Variants in TCF4 observed in about 807,000 individuals in gnomAD.
TCF4 encodes the protein SL3-3 enhancer factor 2.
Under a neutral mutation model 82.1 loss-of-function variants are expected in TCF4, and 3 were observed. The ratio of observed to expected loss-of-function variants is 0.04; its 90% CI spans 0.02 to 0.09. TCF4 has a LOEUF of 0.09. Among genes scored for constraint, TCF4 ranks in the 10% least tolerant of loss-of-function variants. The pLI is 1.00. For synonymous variants in TCF4, 276 were observed against 309.6 expected (o/e 0.89, Z 1.14); for missense variants, 518 against 852.7 (o/e 0.61, Z 4.89).
At chr18:55,370,300 G>A (rs1045140664) in intron 6 of TCF4, among the ~76,000 whole-genome samples, 1 of 152,140 alleles carries the variant, frequency 6.6e-6, no homozygotes, top group Non-Finnish European at 1.5e-5. Context: ...CAGCTACTTA[G>A]GAGGCTGAGG....
chr18:55,300,101 C>G (rs554802444), intron 8 of TCF4, among the ~76,000 whole-genome samples: 1 of 133,708 alleles, frequency 7.5e-6, no homozygotes, highest in Non-Finnish European at 1.6e-5. Flanking sequence ...TACAGATATA[C>G]ACACACACAC....
upstream of TCF4, chr18:55,589,583 A>G (rs2097679671): frequency 9.6e-7 from 1 of 1,043,402 alleles, no homozygotes; most frequent in Admixed American, 5.6e-5. Context: ...AAAAAAAATG[A>G]ACACAGGATA....
intron 15 of TCF4, among the ~76,000 whole-genome samples, chr18:55,235,098 A>T (rs2048992343): frequency 6.6e-6 from 1 of 152,058 alleles, no homozygotes; most frequent in Admixed American, 6.5e-5. Context: ...TCAATTTGGC[A>T]TTCGACTTTC....
chr18:55,611,895 A>G (rs999023369), intron 2 of TCF4, among the ~76,000 whole-genome samples: 5 of 152,172 alleles, frequency 3.3e-5, no homozygotes, highest in East Asian at 3.9e-4. Flanking sequence ...CAGCCTCCCA[A>G]GTAGCTGGGA....
At chr18:55,273,954 G>C (rs980889331) in intron 10 of TCF4, among the ~76,000 whole-genome samples, 2 of 152,074 alleles carry the variant, frequency 1.3e-5, no homozygotes, top group African/African-American at 4.8e-5. Context: ...CAAAACTCTT[G>C]AGCATGATAG....
At chr18:55,454,551 A>C (rs1344997969) in intron 5 of TCF4, among the ~76,000 whole-genome samples, 2 of 152,156 alleles carry the variant, frequency 1.3e-5, no homozygotes, top group Non-Finnish European at 2.9e-5. Flanking sequence ...TTTATCCCCA[A>C]CCAATCCAAT....
At chr18:55,357,913 G>A (rs921202392) in intron 6 of TCF4, among the ~76,000 whole-genome samples, 30 of 152,268 alleles carry the variant, frequency 2.0e-4, no homozygotes, top group African/African-American at 6.3e-4. Context: ...CATGATGGGC[G>A]GAAATTGAGA....
chr18:55,536,005 GAGA>G (rs2097111310), intron 3 of TCF4, among the ~76,000 whole-genome samples: 1 of 152,130 alleles, frequency 6.6e-6, no homozygotes, highest in Admixed American at 6.6e-5. Context: ...TTCTCAATCT[GAGA>G]TATATTTTAC....
At chr18:55,555,034 CATACTT>C (rs1420263641) in intron 3 of TCF4, among the ~76,000 whole-genome samples, 1 of 152,104 alleles carries the variant, frequency 6.6e-6, no homozygotes, top group African/African-American at 2.4e-5. Flanking sequence ...GACCCATACT[CATACTT>C]AGATTATGTT....
At chr18:55,522,509 C>G (rs968110596) in intron 3 of TCF4, among the ~76,000 whole-genome samples, 2 of 152,054 alleles carry the variant, frequency 1.3e-5, no homozygotes, top group East Asian at 3.8e-4. Flanking sequence ...GGTGTCAACA[C>G]AAAAGATTTG....
At chr18:55,500,952 A>C (rs2096692086) in intron 3 of TCF4, among the ~76,000 whole-genome samples, 3 of 152,214 alleles carry the variant, frequency 2.0e-5, no homozygotes, top group Admixed American at 2.0e-4. Context: ...AAGAAACAGA[A>C]AAATTCTGAC....
At chr18:55,331,936 C>T (rs952624255) in intron 8 of TCF4, 1 of 152,118 alleles carries the variant, frequency 6.6e-6, no homozygotes, top group African/African-American at 2.4e-5. Context: ...TCTTGTATAG[C>T]GTGGCTACTC....
intron 5 of TCF4, among the ~76,000 whole-genome samples, chr18:55,417,506 CAT>C (rs1569439144): frequency 1.3e-5 from 2 of 152,182 alleles, no homozygotes; most frequent in Non-Finnish European, 2.9e-5. Context: ...TCAGAACTGA[CAT>C]ATTCTCGTTT....
intron 3 of TCF4, among the ~76,000 whole-genome samples, chr18:55,577,194 A>G (rs1255070980): frequency 9.3e-5 from 3 of 32,170 alleles, no homozygotes; most frequent in African/African-American, 1.9e-4. Flanking sequence ...ATGTATATAT[A>G]CATTTATATA....
intron 12 of TCF4, chr18:55,261,019 T>C (rs2057949673): frequency 2.5e-5 from 4 of 158,926 alleles, no homozygotes; most frequent in Admixed American, 2.4e-4. Context: ...AGAAGCTGAG[T>C]CCCCCAGGTG....
chr18:55,404,680 T>G (rs1055267811), intron 5 of TCF4, among the ~76,000 whole-genome samples: 2 of 152,194 alleles, frequency 1.3e-5, no homozygotes, highest in African/African-American at 4.8e-5. Flanking sequence ...ATCTTTTAGG[T>G]CAATGGCAAT....
In TCF4 at chr18:55,588,135, C is replaced by G; in HGVS notation, c.-118G>C. Reference sequence around the variant, plus strand: ...CACCGCCGCCGCCTGCTCCTGCGCCCGCTCCCGCGCCTGCTGCCTCCCCGC... The same window carrying G: ...CACCGCCGCCGCCTGCTCCTGCGCCGGCTCCCGCGCCTGCTGCCTCCCCGC... On this transcript the variant is annotated 5_prime_UTR_variant, in exon 1 of 20. Transcript: ENST00000354452. The G allele has an allele frequency of 9.4e-7, 1 of 1,064,902 alleles. No individual in the cohort carries two copies. The highest frequency in any genetic ancestry group is 1.1e-6 in the Non-Finnish European group (1 of 887,232). The allele number at this position is 1,064,902 out of a possible 1,614,324, so 66.0% of individuals were successfully genotyped here. A position where few individuals can be genotyped will look rare whatever the true frequency, so the allele number is the denominator to read the frequency against.
At chr18:55,253,067 T>C (rs956245032) in intron 15 of TCF4, among the ~76,000 whole-genome samples, 22 of 152,194 alleles carry the variant, frequency 1.4e-4, no homozygotes, top group African/African-American at 4.8e-4. Context: ...AGATTTCTCT[T>C]TGGCATTCAA....
intron 2 of TCF4, among the ~76,000 whole-genome samples, chr18:55,614,175 A>G (rs1057427531): frequency 6.6e-6 from 1 of 152,350 alleles, no homozygotes; most frequent in African/African-American, 2.4e-5. Context: ...GACTACAAGC[A>G]TAAGCCACTA....
Sources: allele counts gnomAD v4.1 joint callset (sites outside exome capture counted in the v4.1 genomes callset), GRCh38; gene constraint gnomAD v4.1.1; transcripts MANE v1.5; gene names NCBI Gene and HGNC (gene_info 2026-07-23, HGNC 2026-07-21).